OSBPL8: variants seen among roughly 807,000 people sequenced by gnomAD.
OSBPL8 encodes oxysterol-binding protein-related protein 8.
Under a neutral mutation model 125.5 loss-of-function variants are expected in OSBPL8, and 59 were observed. That is an observed-to-expected ratio of 0.47 (90% confidence interval 0.38 to 0.58). The LOEUF is 0.58. Ranked by LOEUF, OSBPL8 falls within the 20% of genes least tolerant of loss-of-function variation. The pLI is 0.00. For missense variants in OSBPL8, 758 were observed against 1,047.8 expected, an observed-to-expected ratio of 0.72 and a Z score of 3.82; for synonymous variants, 330 against 338.9, an observed-to-expected ratio of 0.97 and a Z score of 0.29.
chr12:76,511,800 G>A (rs958926740), intron 1 of OSBPL8, among the ~76,000 whole-genome samples: 4 of 152,044 alleles, frequency 2.6e-5, no homozygotes, highest in East Asian at 1.9e-4. Flanking sequence ...ATCTTTGCCC[G>A]TTCCTATGTC....
intron 1 of OSBPL8, among the ~76,000 whole-genome samples, chr12:76,554,117 C>A (rs545097531): frequency 1.3e-5 from 2 of 151,806 alleles, no homozygotes; most frequent in South Asian, 4.2e-4. Flanking sequence ...CCAGTTACTC[C>A]GAAATTCTCT....
At chr12:76,555,919 A>C (rs1006812439) in intron 1 of OSBPL8, among the ~76,000 whole-genome samples, 2 of 152,190 alleles carry the variant, frequency 1.3e-5, no homozygotes, top group African/African-American at 4.8e-5. Flanking sequence ...GACATAATTT[A>C]TTCAGTCTGA....
At chr12:76,545,587 T>C (rs1157218067) in intron 1 of OSBPL8, among the ~76,000 whole-genome samples, 2 of 152,210 alleles carry the variant, frequency 1.3e-5, no homozygotes, top group African/African-American at 4.8e-5. Flanking sequence ...CATATTTCAA[T>C]ACAGACTAAG....
chr12:76,456,826 A>G (rs1228088940), intron 3 of OSBPL8, among the ~76,000 whole-genome samples: 1 of 152,210 alleles, frequency 6.6e-6, no homozygotes, highest in Non-Finnish European at 1.5e-5. Context: ...GTACTATACC[A>G]TATTTATTGA....
chr12:76,436,637 G>A (rs187633157), intron 4 of OSBPL8, among the ~76,000 whole-genome samples: 1 of 151,922 alleles, frequency 6.6e-6, no homozygotes, highest in Admixed American at 6.6e-5. Flanking sequence ...TGAATTGAAG[G>A]AACTTAACTT....
chr12:76,435,599 T>C (rs74103447), intron 4 of OSBPL8, among the ~76,000 whole-genome samples: 12,455 of 152,152 alleles, frequency 0.082, 656 homozygotes, highest in Admixed American at 0.12. Flanking sequence ...AGTAGCTTGA[T>C]TGTGGTGATA....
chr12:76,365,059 G>A (rs1440475754), intron 21 of OSBPL8, among the ~76,000 whole-genome samples: 1 of 152,054 alleles, frequency 6.6e-6, no homozygotes, highest in Non-Finnish European at 1.5e-5. Flanking sequence ...GGGCTCACGT[G>A]ATCCTCCCAT....
At chr12:76,356,506 TTGTA>T (rs1951993416) in intron 23 of OSBPL8, 116 bp downstream of exon 23, 1 of 625,984 alleles carries the variant, frequency 1.6e-6, no homozygotes, top group African/African-American at 1.9e-5. Flanking sequence ...AGGCTAAACA[TTGTA>T]TTTTAGCTTA....
intron 16 of OSBPL8, among the ~76,000 whole-genome samples, chr12:76,377,016 T>A (rs541728018): frequency 6.9e-4 from 105 of 152,228 alleles, no homozygotes; most frequent in South Asian, 1.9e-3. Flanking sequence ...ATGAGTGAGA[T>A]CATGTGGTGT....
intron 18 of OSBPL8, among the ~76,000 whole-genome samples, chr12:76,372,877 C>T (rs772671215): frequency 6.6e-5 from 10 of 152,118 alleles, no homozygotes; most frequent in Non-Finnish European, 1.3e-4. Flanking sequence ...GAGTAGAGTG[C>T]TGTGCATAAA....
intron 8 of OSBPL8, among the ~76,000 whole-genome samples, chr12:76,397,183 G>C (rs1287341609): frequency 8.9e-6 from 1 of 112,724 alleles, no homozygotes; most frequent in Non-Finnish European, 1.8e-5. Flanking sequence ...TCTTTCTCAA[G>C]AGTAAGTAAT....
intron 1 of OSBPL8, among the ~76,000 whole-genome samples, chr12:76,557,805 A>T (rs910115572): frequency 2.0e-5 from 3 of 152,216 alleles, no homozygotes; most frequent in Admixed American, 2.0e-4. Context: ...AGTACCCTGA[A>T]TGTGTTATAA....
rs1953305783 is a variant in OSBPL8, at chr12:76,386,264, T to A, written c.1437A>T (p.Gly479=). The A allele has an allele frequency of 1.3e-6, 2 of 1,524,124 alleles. No homozygotes were observed. Among genetic ancestry groups the A allele is most frequent in the Non-Finnish European group, 1.7e-6 (2 of 1,145,568 alleles). The allele number at this position is 1,524,124 out of a possible 1,614,324, so 94.4% of individuals were successfully genotyped here. The change falls in exon 14 of 24, where the codon GGA becomes GGT. Residue 479 remains glycine (G), a splice_region_variant and synonymous_variant. Transcript: ENST00000261183. The part of the protein sequence containing the change: ...YLSGFYKKPK[G]LKKPYNPILG... ...GTATAGGATTATAAGGTTTCTTCAG[T>A]CCCTGGTAAAAAAAAAAAAAAGCAA... is the stretch of plus-strand genomic sequence containing the variant.
intron 1 of OSBPL8, among the ~76,000 whole-genome samples, chr12:76,521,596 T>TGG (rs1882067237): frequency 1.3e-5 from 2 of 152,282 alleles, no homozygotes; most frequent in South Asian, 4.1e-4. Flanking sequence ...ATACATACAA[T>TGG]GGAATATTGT....
intron 1 of OSBPL8, among the ~76,000 whole-genome samples, chr12:76,556,582 A>G (rs1351939152): frequency 2.0e-5 from 3 of 152,102 alleles, no homozygotes; most frequent in African/African-American, 7.2e-5. Flanking sequence ...TTTGGCCACA[A>G]CTGCTCCAGT....
At position 76,369,622 on chromosome 12, in the gene OSBPL8, T is replaced by C; in HGVS notation, c.2240+15A>G. Reference sequence around the variant, plus strand: ...CTAATACATTGTTTGAAATAAACTATTTTAAGTTACTTACTCTGCAAACTT... The same window carrying C: ...CTAATACATTGTTTGAAATAAACTACTTTAAGTTACTTACTCTGCAAACTT... On this transcript the variant is annotated intron_variant, in intron 20 of 23. Transcript: ENST00000261183. 3 of 1,606,276 alleles carry C rather than the reference T, an allele frequency of 1.9e-6. No individual in the cohort carries two copies. The highest frequency in any genetic ancestry group is 2.6e-6 in the Non-Finnish European group (3 of 1,173,790).
chr12:76,510,746 T>C (rs1346953489), intron 1 of OSBPL8, among the ~76,000 whole-genome samples: 1 of 151,898 alleles, frequency 6.6e-6, no homozygotes, highest in African/African-American at 2.4e-5. Flanking sequence ...CCAGGTGTAG[T>C]GGCGCATGCC....
intron 5 of OSBPL8, among the ~76,000 whole-genome samples, chr12:76,407,829 C>G (rs1954335839): frequency 6.6e-6 from 1 of 151,970 alleles, no homozygotes; most frequent in Non-Finnish European, 1.5e-5. Context: ...AAGATCTTAC[C>G]TCCCGTGAAC....
At chr12:76,463,363 G>A (rs1874979470) in intron 2 of OSBPL8, among the ~76,000 whole-genome samples, 1 of 152,210 alleles carries the variant, frequency 6.6e-6, no homozygotes, top group South Asian at 2.1e-4. Context: ...AAAAGATAGT[G>A]AGAGCAGCTA....
Sources: allele counts gnomAD v4.1 joint callset (sites outside exome capture counted in the v4.1 genomes callset), GRCh38; gene constraint gnomAD v4.1.1; transcripts MANE v1.5; gene names NCBI Gene and HGNC (gene_info 2026-07-23, HGNC 2026-07-21).